The following GRIA4 variants were observed in gnomAD, a reference collection of about 807,000 sequenced individuals.
GRIA4 encodes the protein glutamate receptor 4.
Under a neutral mutation model 104.0 loss-of-function variants are expected in GRIA4, and 34 were observed. The observed-to-expected ratio is 0.33, with a 90% CI of 0.25 to 0.44. The LOEUF is 0.44. GRIA4 is among the 20% of genes least tolerant of loss of function. The pLI is 1.00. For synonymous variants in GRIA4, 386 were observed against 381.9 expected (o/e 1.01, Z -0.13); for missense variants, 750 against 1,096.5 (o/e 0.68, Z 4.46).
chr11:105,614,266 G>A lies in GRIA4; in HGVS notation c.247+1832G>A, dbSNP rs1051206405. On this transcript the variant is annotated intron_variant, in intron 3 of 16. Coordinates refer to ENST00000282499, the MANE Select transcript of GRIA4 (RefSeq NM_000829.4). ...ATTTTGTTTCATTTTTACAAAGTAA[G>A]ATCTTAAATATTCTAAAGTTTGTAT... 2.4e-4 allele frequency: 37 copies of A among 151,720 alleles called. 1 individual carries two copies. The highest frequency in any genetic ancestry group is 8.4e-4 in the African/African-American group (35 of 41,480). 9.4% of individuals were successfully genotyped at this position (151,720 alleles called of 1,614,324 possible).
chr11:105,727,569 A>C (rs553480089), intron 3 of GRIA4, among the ~76,000 whole-genome samples: 1 of 152,278 alleles, frequency 6.6e-6, no homozygotes, highest in South Asian at 2.1e-4. Context: ...CCCAAGACAT[A>C]ATCATCAGAT....
At chr11:105,768,202 G>T (rs1565530656) in intron 4 of GRIA4, among the ~76,000 whole-genome samples, 4 of 152,092 alleles carry the variant, frequency 2.6e-5, no homozygotes, top group African/African-American at 7.2e-5. Context: ...GGGACTGCCA[G>T]CCCCAGGAGG....
At chr11:105,703,708 AAAGAGTTAAG>A (rs921755769) in intron 3 of GRIA4, among the ~76,000 whole-genome samples, 24 of 152,232 alleles carry the variant, frequency 1.6e-4, no homozygotes, top group African/African-American at 5.8e-4. Context: ...TTTACATAGA[AAAGAGTTAAG>A]ACTATGATTT....
chr11:105,804,678 C>T (rs1942871042), intron 4 of GRIA4, among the ~76,000 whole-genome samples: 1 of 151,894 alleles, frequency 6.6e-6, no homozygotes, highest in African/African-American at 2.4e-5. Flanking sequence ...TGGATGATTG[C>T]ACAATTTTAA....
At chr11:105,662,715 G>C (rs138986283) in intron 3 of GRIA4, among the ~76,000 whole-genome samples, 77 of 151,936 alleles carry the variant, frequency 5.1e-4, no homozygotes, top group African/African-American at 1.8e-3. Flanking sequence ...GATCACAAAG[G>C]GGGCATCCAT....
At chr11:105,637,106 T>C (rs1951224877) in intron 3 of GRIA4, among the ~76,000 whole-genome samples, 1 of 152,220 alleles carries the variant, frequency 6.6e-6, no homozygotes, top group Non-Finnish European at 1.5e-5. Flanking sequence ...CTTAGATATT[T>C]TGTGCTCTCC....
At chr11:105,788,210 C>G (rs1942059337) in intron 4 of GRIA4, among the ~76,000 whole-genome samples, 1 of 151,938 alleles carries the variant, frequency 6.6e-6, no homozygotes, top group Non-Finnish European at 1.5e-5. Flanking sequence ...ATTAAGATAA[C>G]TAAGACATTT....
At chr11:105,614,197 T>A (rs1440315503) in intron 3 of GRIA4, 1 of 151,666 alleles carries the variant, frequency 6.6e-6, no homozygotes, top group African/African-American at 2.4e-5. Context: ...ATTATTATTA[T>A]TAAATTTTGA....
In GRIA4 at chr11:105,912,209, T is replaced by A. The variant is rs528488448; in HGVS notation, c.1269+1664T>A. The A allele has an allele frequency of 8.5e-4, 845 of 995,014 alleles. 4 individuals carry two copies. The African/African-American group carries it at 0.013, about 15-fold the overall frequency. 61.6% of individuals were successfully genotyped at this position (995,014 alleles called of 1,614,324 possible). ...ACTGTATGTAAATGATGGAATTATATCACTCCATTTCCAAGGGTAGATTTT... is the reference window on the plus strand; with the variant it reads ...ACTGTATGTAAATGATGGAATTATAACACTCCATTTCCAAGGGTAGATTTT... On this transcript the variant is annotated intron_variant, in intron 10 of 16. Coordinates refer to ENST00000282499, the MANE Select transcript of GRIA4 (RefSeq NM_000829.4).
At chr11:105,757,257 T>C (rs1210621401) in intron 4 of GRIA4, among the ~76,000 whole-genome samples, 1 of 152,110 alleles carries the variant, frequency 6.6e-6, no homozygotes, top group Non-Finnish European at 1.5e-5. Flanking sequence ...CCGGCTCCTT[T>C]AACTTGGTGA....
At chr11:105,643,512 C>T (rs1391507194) in intron 3 of GRIA4, among the ~76,000 whole-genome samples, 2 of 152,160 alleles carry the variant, frequency 1.3e-5, no homozygotes, top group African/African-American at 2.4e-5. Flanking sequence ...TTTAAAGACA[C>T]TCTGCCATAT....
At chr11:105,655,151 T>C (rs1006533833) in intron 3 of GRIA4, among the ~76,000 whole-genome samples, 8 of 152,072 alleles carry the variant, frequency 5.3e-5, no homozygotes, top group African/African-American at 1.9e-4. Flanking sequence ...TGCAACACAG[T>C]TTTTTAAAAG....
rs1344119658 is a variant in GRIA4, at chr11:105,884,688, T to C, written c.673-2831T>C. ...GCATATGGAGCTCTGCAAGACCTTTTGTGCCAGGAATTTTGTCCCTTTCAG... is the reference window on the plus strand; with the variant it reads ...GCATATGGAGCTCTGCAAGACCTTTCGTGCCAGGAATTTTGTCCCTTTCAG... On this transcript the variant is annotated intron_variant, in intron 5 of 16. Coordinates refer to ENST00000282499, the MANE Select transcript of GRIA4 (RefSeq NM_000829.4). Among the ~76,000 whole-genome samples the C allele has an allele frequency of 4.6e-5, 7 of 152,200 alleles. No individual in the cohort carries two copies. The South Asian group carries it at 6.2e-4, about 13-fold the overall frequency.
intron 4 of GRIA4, among the ~76,000 whole-genome samples, chr11:105,841,950 C>A (rs547882357): frequency 6.6e-6 from 1 of 152,234 alleles, no homozygotes; most frequent in African/African-American, 2.4e-5. Context: ...TACTGAGTAC[C>A]TACTATGTAC....
intron 6 of GRIA4, among the ~76,000 whole-genome samples, chr11:105,892,532 C>T (rs895056453): frequency 1.7e-4 from 26 of 152,224 alleles, no homozygotes; most frequent in African/African-American, 6.0e-4. Flanking sequence ...CATTAGGATA[C>T]AGAGAGCAAA....
intron 5 of GRIA4, among the ~76,000 whole-genome samples, chr11:105,880,054 A>G (rs983569788): frequency 6.6e-6 from 1 of 152,186 alleles, no homozygotes; most frequent in African/African-American, 2.4e-5. Flanking sequence ...ATAATTCTAC[A>G]TCTTATTAGA....
intron 3 of GRIA4, among the ~76,000 whole-genome samples, chr11:105,719,428 TAA>T (rs1169217616): frequency 6.6e-6 from 1 of 152,152 alleles, no homozygotes; most frequent in Non-Finnish European, 1.5e-5. Context: ...ATGTCTGCTT[TAA>T]ATTTTCTGAA....
At chr11:105,752,373 T>G (rs1591193422) in intron 3 of GRIA4, among the ~76,000 whole-genome samples, 1 of 152,138 alleles carries the variant, frequency 6.6e-6, no homozygotes, top group Non-Finnish European at 1.5e-5. Flanking sequence ...AATGACTTTC[T>G]AGCAGCCTAA....
intron 4 of GRIA4, among the ~76,000 whole-genome samples, chr11:105,831,440 T>A (rs912715593): frequency 6.6e-6 from 1 of 152,026 alleles, no homozygotes; most frequent in African/African-American, 2.4e-5. Flanking sequence ...AGGAATAGCA[T>A]GAGCATACGG....
Sources: gnomAD v4.1 joint callset for allele counts (sites outside exome capture counted in the v4.1 genomes callset) on GRCh38, gnomAD v4.1.1 for gene constraint, MANE v1.5 for transcripts, NCBI Gene and HGNC (gene_info 2026-07-23, HGNC 2026-07-21) for gene names.